The following ANKS1B variants were observed in gnomAD, a reference collection of about 807,000 sequenced individuals.
ANKS1B encodes ankyrin repeat and sterile alpha motif domain-containing protein 1B.
In ANKS1B, 36 loss-of-function variants were observed where a neutral mutation model predicts 148.3. The ratio of observed to expected loss-of-function variants is 0.24; its 90% confidence interval spans 0.19 to 0.32. ANKS1B has a LOEUF of 0.32. Among genes scored for constraint, ANKS1B ranks in the 10% least tolerant of loss-of-function variants. The pLI is 1.00. For missense variants in ANKS1B, 1,157 were observed against 1,542.6 expected (o/e 0.75, Z 4.19); for synonymous variants, 542 against 560.8 (o/e 0.97, Z 0.47).
rs140853876 is a variant in ANKS1B at position 99,647,870 on chromosome 12, G to A, written c.1272+7197C>T. The A allele has an allele frequency of 2.1e-4, 74 of 358,520 alleles. 1 individual carries two copies. In the East Asian group the frequency reaches 2.1e-3, roughly 10 times the overall value. The allele number at this position is 358,520 out of a possible 1,614,324, so 22.2% of individuals were successfully genotyped here. ...TCAGGCTCAAATGGAGGTCCCTCCCGAATGAGCACTGACACCTGTGTGCCC... is the reference window on the plus strand; with the variant it reads ...TCAGGCTCAAATGGAGGTCCCTCCCAAATGAGCACTGACACCTGTGTGCCC... On this transcript the variant is annotated intron_variant, in intron 9 of 26. Transcript: ENST00000683438.
chr12:99,730,346 G>A (rs1471097365), intron 8 of ANKS1B, among the ~76,000 whole-genome samples: 1 of 152,000 alleles, frequency 6.6e-6, no homozygotes, highest in Non-Finnish European at 1.5e-5. Flanking sequence ...CTGGAACTAG[G>A]GTGGCAGACA....
chr12:99,969,703 C>A (rs1321495738), intron 1 of ANKS1B, among the ~76,000 whole-genome samples: 3 of 152,130 alleles, frequency 2.0e-5, no homozygotes, highest in Non-Finnish European at 4.4e-5. Context: ...AGAAAATGTA[C>A]TTTCCATTTA....
chr12:99,691,065 C>T (rs2098676639), intron 8 of ANKS1B, among the ~76,000 whole-genome samples: 1 of 152,240 alleles, frequency 6.6e-6, no homozygotes, highest in Non-Finnish European at 1.5e-5. Context: ...GACACCAAGG[C>T]TTGGGGCTTG....
chr12:98,928,149 G>A (rs967155316), intron 17 of ANKS1B, among the ~76,000 whole-genome samples: 4 of 151,566 alleles, frequency 2.6e-5, no homozygotes, highest in Non-Finnish European at 5.9e-5. Flanking sequence ...ATAAGGGAAT[G>A]CCATGAACAA....
intron 8 of ANKS1B, among the ~76,000 whole-genome samples, chr12:99,771,838 C>T (rs370545258): frequency 1.3e-5 from 2 of 152,112 alleles, no homozygotes; most frequent in African/African-American, 4.8e-5. Context: ...TTAGCAAGTG[C>T]TATCCCAGGA....
At chr12:98,767,834 G>GTC (rs1266663588) in intron 25 of ANKS1B, among the ~76,000 whole-genome samples, 1 of 152,084 alleles carries the variant, frequency 6.6e-6, no homozygotes, top group Non-Finnish European at 1.5e-5. Flanking sequence ...TACCTTGGTT[G>GTC]TCTCTCTCTC....
intron 11 of ANKS1B, among the ~76,000 whole-genome samples, chr12:99,405,188 T>C (rs1169029850): frequency 2.1e-5 from 3 of 145,562 alleles, no homozygotes; most frequent in Middle Eastern, 7.0e-3. Flanking sequence ...ATGACGTTAA[T>C]GAGCAACAAG....
chr12:99,780,886 G>A (rs1335093373), intron 5 of ANKS1B, among the ~76,000 whole-genome samples: 1 of 152,132 alleles, frequency 6.6e-6, no homozygotes, highest in African/African-American at 2.4e-5. Flanking sequence ...ATGCAAGATT[G>A]TATTTGTCAG....
intron 16 of ANKS1B, among the ~76,000 whole-genome samples, chr12:99,074,604 A>C (rs6538895): frequency 0.58 from 87,638 of 152,086 alleles, 25,883 homozygotes; most frequent in East Asian, 0.75. Flanking sequence ...GACCCCGTAG[A>C]ACAGACTAGT....
chr12:99,395,195 C>CTTG lies in ANKS1B; in HGVS notation c.1756+4433_1756+4435dup, dbSNP rs1282225465. On this transcript the variant is annotated intron_variant, in intron 12 of 26. Transcript: ENST00000683438. ...TCTAACTGGCTTTCCTGCATCCACCCTTGTTCCCTCTCCCCATCCATGATC... is the reference window on the plus strand; with the variant it reads ...TCTAACTGGCTTTCCTGCATCCACCCTTGTTGTTCCCTCTCCCCATCCATGATC... Among the ~76,000 whole-genome samples, 3 of 152,150 alleles carry CTTG rather than the reference C, an allele frequency of 2.0e-5. 1 individual carries two copies. The highest frequency in any genetic ancestry group is 4.4e-5 in the Non-Finnish European group (3 of 68,020).
chr12:99,421,134 ATCT>A (rs2095067588), intron 11 of ANKS1B, among the ~76,000 whole-genome samples: 1 of 152,238 alleles, frequency 6.6e-6, no homozygotes, highest in East Asian at 1.9e-4. Context: ...ATAAGTATTC[ATCT>A]TCTTCTCCCA....
chr12:98,836,943 C>T (rs1332286455), intron 17 of ANKS1B, among the ~76,000 whole-genome samples: 3 of 152,128 alleles, frequency 2.0e-5, no homozygotes, highest in Non-Finnish European at 2.9e-5. Context: ...AGAGATCAGG[C>T]ACAAATAACT....
intron 12 of ANKS1B, among the ~76,000 whole-genome samples, chr12:99,369,709 G>C (rs1229530791): frequency 1.3e-5 from 2 of 151,978 alleles, no homozygotes; most frequent in Admixed American, 1.3e-4. Flanking sequence ...AAGCAAGATA[G>C]AAAGATAGAT....
chr12:99,747,071 CA>C (rs2060665140), intron 8 of ANKS1B, among the ~76,000 whole-genome samples: 1 of 152,138 alleles, frequency 6.6e-6, no homozygotes, highest in East Asian at 1.9e-4. Flanking sequence ...TGGGACCCTT[CA>C]AAGGCTCAGG....
At chr12:99,530,479 A>G (rs1255993339) in intron 9 of ANKS1B, among the ~76,000 whole-genome samples, 1 of 152,224 alleles carries the variant, frequency 6.6e-6, no homozygotes, top group Non-Finnish European at 1.5e-5. Flanking sequence ...ACACTTATCC[A>G]TAACTCTCCA....
intron 16 of ANKS1B, among the ~76,000 whole-genome samples, chr12:99,062,439 G>A (rs954244705): frequency 5.3e-5 from 8 of 152,132 alleles, no homozygotes; most frequent in Non-Finnish European, 8.8e-5. Context: ...CACTTTCAAT[G>A]CATAAGGAAC....
chr12:99,064,896 T>C (rs2043598733), intron 16 of ANKS1B, among the ~76,000 whole-genome samples: 1 of 152,214 alleles, frequency 6.6e-6, no homozygotes, highest in South Asian at 2.1e-4. Flanking sequence ...GTTTTTACCA[T>C]CTTTTCATTT....
chr12:98,885,287 C>T (rs529603529), intron 17 of ANKS1B, among the ~76,000 whole-genome samples: 1 of 152,150 alleles, frequency 6.6e-6, no homozygotes, highest in Non-Finnish European at 1.5e-5. Context: ...CTATAATAAA[C>T]TTCAAAACTG....
At chr12:99,671,888 G>A (rs925707396) in intron 8 of ANKS1B, among the ~76,000 whole-genome samples, 10 of 151,782 alleles carry the variant, frequency 6.6e-5, no homozygotes, top group Non-Finnish European at 2.9e-5. Context: ...ATTAATTAAC[G>A]CTAGCCAAAG....
Sources: gnomAD v4.1 joint callset for allele counts (sites outside exome capture counted in the v4.1 genomes callset) on GRCh38, gnomAD v4.1.1 for gene constraint, MANE v1.5 for transcripts, NCBI Gene and HGNC (gene_info 2026-07-23, HGNC 2026-07-21) for gene names.